The following LRP1B variants were observed in gnomAD, a reference collection of about 807,000 sequenced individuals.
LRP1B encodes the protein LDL receptor related protein 1B.
In LRP1B, 217 loss-of-function variants were observed where a neutral mutation model predicts 556.6. The ratio of observed to expected loss-of-function variants is 0.39; its 90% CI spans 0.35 to 0.44. The LOEUF is 0.44. Among genes scored for constraint, LRP1B ranks in the 20% least tolerant of loss-of-function variants. The pLI is 1.00. For synonymous variants in LRP1B, 2,047 were observed against 1,865.8 expected (o/e 1.10, Z -2.50); for missense variants, 5,053 against 5,620.8 (o/e 0.90, Z 3.23).
At chr2:141,611,181 G>A (rs2105322388) in intron 2 of LRP1B, among the ~76,000 whole-genome samples, 1 of 152,306 alleles carries the variant, frequency 6.6e-6, no homozygotes, top group Admixed American at 6.5e-5. Context: ...CATAGTTAAA[G>A]GAGCTACATC....
chr2:141,635,134 AAAAGAAAAG>A (rs1436805696), intron 2 of LRP1B, among the ~76,000 whole-genome samples: 1 of 119,616 alleles, frequency 8.4e-6, no homozygotes, highest in African/African-American at 3.5e-5. Flanking sequence ...TGCAAAAAAG[AAAAGAAAAG>A]AAAGAAAAGA....
At chr2:140,784,423 A>ACACACACAC (rs1559117345) in intron 32 of LRP1B, among the ~76,000 whole-genome samples, 1 of 76,076 alleles carries the variant, frequency 1.3e-5, no homozygotes. Context: ...CACACACACA[A>ACACACACAC]AAGGCTCAGT....
rs1346937063 is a variant in LRP1B, at chr2:140,867,799, G to T, written c.4370C>A (p.Thr1457Lys). ...DAIYSALYDGTNMIEIIRGHE... is the reference protein window; with the variant it reads ...DAIYSALYDGKNMIEIIRGHE... The stretch of plus-strand genomic sequence containing the variant: ...ACCTCGGATGATTTCTATCATGTTT[G>T]TTCCATCATAGAGGGCTGAATAAAT... Residue 1457 changes from threonine to lysine, a missense_variant, in exon 27 of 91, where the codon ACA becomes AAA. Thr to Lys is a moderately conservative substitution (Grantham distance 78, BLOSUM62 -1). Coordinates refer to ENST00000389484, the MANE Select transcript of LRP1B (RefSeq NM_018557.3). 1 of 1,597,530 alleles carries T rather than the reference G, an allele frequency of 6.3e-7. No individual in the cohort carries two copies. The highest frequency in any genetic ancestry group is 8.5e-7 in the Non-Finnish European group (1 of 1,171,354).
chr2:141,880,737 T>C (rs1007911111), intron 1 of LRP1B, among the ~76,000 whole-genome samples: 1 of 152,052 alleles, frequency 6.6e-6, no homozygotes, highest in Admixed American at 6.6e-5. Flanking sequence ...TAAATGTGCA[T>C]ACTGTATGAC....
chr2:141,617,227 T>A (rs1386551723), intron 2 of LRP1B, among the ~76,000 whole-genome samples: 2 of 152,144 alleles, frequency 1.3e-5, no homozygotes, highest in East Asian at 3.8e-4. Context: ...GAACAAAACC[T>A]TACACAACTT....
At position 141,048,981 on chromosome 2, in the gene LRP1B, C is replaced by T. The variant is rs1698959574; in HGVS notation, c.1789+5G>A. The T allele has an allele frequency of 6.3e-7, 1 of 1,594,960 alleles. No homozygotes were observed. The highest frequency in any genetic ancestry group is 8.6e-7 in the Non-Finnish European group (1 of 1,162,856). On this transcript the variant is annotated splice_donor_5th_base_variant and intron_variant, in intron 11 of 90. Transcript: ENST00000389484. Reference sequence around the variant, plus strand: ...GTTTGATGTTAATGTCACAGTGTCACTTACCATCTTTCAGGATGGTTTCTC... The same window carrying T: ...GTTTGATGTTAATGTCACAGTGTCATTTACCATCTTTCAGGATGGTTTCTC...
intron 2 of LRP1B, among the ~76,000 whole-genome samples, chr2:141,685,731 C>T (rs1370331): frequency 0.21 from 32,595 of 151,950 alleles, 4,283 homozygotes; most frequent in East Asian, 0.5. Flanking sequence ...GGAATGCTGG[C>T]AGCCTCTAGA....
At chr2:141,109,653 G>C (rs1283132474) in intron 7 of LRP1B, among the ~76,000 whole-genome samples, 3 of 122,592 alleles carry the variant, frequency 2.4e-5, no homozygotes, top group African/African-American at 5.9e-5. Context: ...AGGAGAAAGG[G>C]ACTACAACCT....
At chr2:140,661,223 T>TA (rs1177475454) in intron 41 of LRP1B, among the ~76,000 whole-genome samples, 5 of 152,174 alleles carry the variant, frequency 3.3e-5, no homozygotes, top group African/African-American at 1.2e-4. Context: ...AGAGTGCTAT[T>TA]AAAAAACATG....
intron 66 of LRP1B, among the ~76,000 whole-genome samples, chr2:140,434,503 G>A (rs915192590): frequency 2.0e-5 from 3 of 152,068 alleles, no homozygotes; most frequent in African/African-American, 7.2e-5. Flanking sequence ...ATATTTCAAA[G>A]GACAATAAGA....
intron 1 of LRP1B, among the ~76,000 whole-genome samples, chr2:141,875,894 T>A (rs1698742832): frequency 7.2e-5 from 11 of 152,030 alleles, no homozygotes; most frequent in Admixed American, 7.2e-4. Context: ...AAGAGTCAAA[T>A]GCATTTTTTA....
chr2:141,752,508 A>G (rs1694150616), intron 2 of LRP1B, among the ~76,000 whole-genome samples: 1 of 152,022 alleles, frequency 6.6e-6, no homozygotes, highest in Admixed American at 6.6e-5. Context: ...CTTCCTCACT[A>G]TCCACTAACT....
intron 10 of LRP1B, among the ~76,000 whole-genome samples, chr2:141,051,184 G>A (rs1021856744): frequency 6.6e-6 from 1 of 152,074 alleles, no homozygotes; most frequent in Admixed American, 6.6e-5. Context: ...TGGTGGGAGT[G>A]TAAATTAGTT....
intron 31 of LRP1B, among the ~76,000 whole-genome samples, chr2:140,817,112 T>C (rs886780321): frequency 1.3e-5 from 2 of 152,144 alleles, no homozygotes; most frequent in African/African-American, 2.4e-5. Context: ...CTGGAACTTA[T>C]GCAAAGAAAT....
chr2:141,869,351 C>T (rs1304882643), intron 1 of LRP1B, among the ~76,000 whole-genome samples: 1 of 151,934 alleles, frequency 6.6e-6, no homozygotes, highest in Non-Finnish European at 1.5e-5. Flanking sequence ...CCTTCTATAT[C>T]TGCTGTTCTC....
chr2:140,455,613 G>T (rs1227874437), intron 62 of LRP1B, among the ~76,000 whole-genome samples: 1 of 152,078 alleles, frequency 6.6e-6, no homozygotes, highest in Admixed American at 6.6e-5. Context: ...TATTTATGCA[G>T]TTCTTTCATG....
intron 3 of LRP1B, among the ~76,000 whole-genome samples, chr2:141,256,898 TAAG>T (rs914386671): frequency 3.3e-5 from 5 of 151,874 alleles, no homozygotes; most frequent in Non-Finnish European, 7.4e-5. Context: ...AGCATTCCCT[TAAG>T]AAGAATACTT....
At chr2:140,332,891 A>G (rs545102096) in intron 79 of LRP1B, among the ~76,000 whole-genome samples, 4 of 152,226 alleles carry the variant, frequency 2.6e-5, no homozygotes, top group African/African-American at 9.6e-5. Flanking sequence ...AACATGTTAC[A>G]TATACTATTA....
chr2:141,556,750 C>T (rs940406165), intron 2 of LRP1B, among the ~76,000 whole-genome samples: 1 of 151,704 alleles, frequency 6.6e-6, no homozygotes, highest in Non-Finnish European at 1.5e-5. Flanking sequence ...GCTGAATATA[C>T]GGAGGCTCAT....
Sources: allele counts gnomAD v4.1 joint callset (sites outside exome capture counted in the v4.1 genomes callset), GRCh38; gene constraint gnomAD v4.1.1; transcripts MANE v1.5; gene names NCBI Gene and HGNC (gene_info 2026-07-23, HGNC 2026-07-21).